The following GBF1 variants were observed in gnomAD, a reference collection of about 807,000 sequenced individuals.
The protein encoded by GBF1 is golgi brefeldin A resistant guanine nucleotide exchange factor 1, also known as Golgi-specific brefeldin A-resistance guanine nucleotide exchange factor 1.
Under a neutral mutation model 210.5 loss-of-function variants are expected in GBF1, and 114 were observed. The ratio of observed to expected loss-of-function variants is 0.54; its 90% CI spans 0.47 to 0.63. The LOEUF (loss-of-function observed/expected upper bound fraction) is 0.63, where lower values mean the gene tolerates loss of function less well. Among genes scored for constraint, GBF1 ranks in the 30% least tolerant of loss-of-function variants. GBF1 has a pLI of 0.00. For missense variants in GBF1, 1,851 were observed against 2,357.7 expected, an observed-to-expected ratio of 0.79 and a Z score of 4.45; for synonymous variants, 850 against 889.2, an observed-to-expected ratio of 0.96 and a Z score of 0.78.
At chr10:102,361,982 G>C (rs983880149) in intron 14 of GBF1, 70 bp downstream of exon 14, 9 of 809,008 alleles carry the variant, frequency 1.1e-5, no homozygotes, top group African/African-American at 3.5e-5. Flanking sequence ...TGGTAGTGAG[G>C]ATGTTACATA....
chr10:102,295,750 T>A (rs2076860071), intron 3 of GBF1, among the ~76,000 whole-genome samples: 1 of 152,174 alleles, frequency 6.6e-6, no homozygotes. Flanking sequence ...AAACCTTGTC[T>A]CCTTCGAAGA....
chr10:102,350,350 CA>C (rs1308821730), intron 4 of GBF1, among the ~76,000 whole-genome samples: 2,205 of 118,012 alleles, frequency 0.019, 35 homozygotes, highest in African/African-American at 0.053. Flanking sequence ...ACTCCATCTC[CA>C]AAAAAAAAAA....
intron 11 of GBF1, 70 bp downstream of exon 11, chr10:102,359,505 C>A: frequency 8.7e-7 from 1 of 1,144,152 alleles, no homozygotes; most frequent in South Asian, 1.3e-5. Context: ...GAGCCTAGAC[C>A]GTCTTAAACC....
Position 102,363,406 on chromosome 10 carries a change from G to A in GBF1, c.2017+10G>A, listed in dbSNP as rs897698701. ...GCTGTTGACTCTGGGGGTGGGTACT[G>A]GGTGTCCATGACCCTAAGCTCCTCA... On this transcript the variant is annotated intron_variant, in intron 16 of 39. Coordinates refer to ENST00000369983, the MANE Select transcript of GBF1 (RefSeq NM_001377137.1). This position sits in a 1 kb window ranked among gnomAD's most constrained non-coding sequence, Gnocchi z 4.2. The A allele has an allele frequency of 6.2e-7, 1 of 1,610,934 alleles. No homozygotes were observed. Among genetic ancestry groups the A allele is most frequent in the Non-Finnish European group, 8.5e-7 (1 of 1,178,146 alleles).
At chr10:102,308,136 A>G (rs930639375) in intron 3 of GBF1, among the ~76,000 whole-genome samples, 1 of 151,594 alleles carries the variant, frequency 6.6e-6, no homozygotes, top group Non-Finnish European at 1.5e-5. Flanking sequence ...CCCAGCAGGT[A>G]ATCATATATA....
upstream of GBF1, among the ~76,000 whole-genome samples, chr10:102,242,037 C>A (rs2133820164): frequency 6.6e-6 from 1 of 152,338 alleles, no homozygotes. Flanking sequence ...GCCTTTCTTT[C>A]CTCTTCTTTC....
At chr10:102,359,477 C>T (rs758855775) in intron 11 of GBF1, 42 bp downstream of exon 11, 1 of 1,463,532 alleles carries the variant, frequency 6.8e-7, no homozygotes, top group South Asian at 1.1e-5. Flanking sequence ...CTCCCCCATC[C>T]TACCTACTAA....
chr10:102,230,682 C>CGCGGCG, the GBF1 span: 12 of 1,578,618 alleles, frequency 7.6e-6, no homozygotes, highest in African/African-American at 2.7e-5. Context: ...AGGCGGCAGC[C>CGCGGCG]GCGGCGGCGG....
rs1356718401 is a variant in GBF1 at position 102,375,561 on chromosome 10, C to T, written c.3863C>T (p.Ala1288Val). The change falls in exon 30 of 40, where the codon GCC (alanine) becomes GTC (valine). Residue 1288 changes from alanine to valine, a missense_variant. Around this residue, in one of 3 missense-constraint regions of GBF1, gnomAD observed 967 missense variants for 1,247.7 expected, o/e 0.78. Coordinates refer to ENST00000369983, the MANE Select transcript of GBF1 (RefSeq NM_001377137.1). ...CCTCCAGCTGCTCTGCAGGCCACAG[C>T]CAGGGCAGATGCACCTGATGCCGGT... ...VKPPAALQAT[A>V]RADAPDAGAQ... is the part of the protein sequence containing the mutation. 1.2e-6 allele frequency: 2 copies of T among 1,611,694 alleles called. No homozygotes were observed. Among genetic ancestry groups the T allele is most frequent in the East Asian group, 2.2e-5 (1 of 44,854 alleles).
chr10:102,358,271 A>C, intron 9 of GBF1, 85 bp downstream of exon 9: 1 of 1,222,188 alleles, frequency 8.2e-7, no homozygotes, highest in South Asian at 1.4e-5. Flanking sequence ...AGACCAACCA[A>C]CTGAGGGGCT....
At chr10:102,241,794 A>T (rs1463623561), upstream of GBF1, among the ~76,000 whole-genome samples, 3 of 152,234 alleles carry the variant, frequency 2.0e-5, no homozygotes, top group African/African-American at 7.2e-5. This position sits in a 1 kb window ranked among gnomAD's most constrained non-coding sequence, Gnocchi z 6.7. Context: ...GGCAGAGCCA[A>T]GTGGGCGAGA....
the GBF1 span, chr10:102,231,954 C>A: frequency 6.3e-7 from 1 of 1,597,002 alleles, no homozygotes; most frequent in Non-Finnish European, 8.6e-7. Context: ...CGGAAGGGGG[C>A]GCGCTTACCG....
intron 3 of GBF1, among the ~76,000 whole-genome samples, chr10:102,302,221 T>A (rs1167163568): frequency 6.6e-6 from 1 of 152,034 alleles, no homozygotes; most frequent in East Asian, 1.9e-4. Context: ...GGGAGTACAG[T>A]CCAGCTTCGG....
At chr10:102,364,203 T>G (rs1349764896) in intron 17 of GBF1, among the ~76,000 whole-genome samples, 2 of 150,952 alleles carry the variant, frequency 1.3e-5, no homozygotes, top group East Asian at 2.0e-4. Flanking sequence ...AATAACTGTT[T>G]GTACTTTGGA....
intron 3 of GBF1, among the ~76,000 whole-genome samples, chr10:102,283,507 T>C (rs1286478615): frequency 6.6e-6 from 1 of 152,104 alleles, no homozygotes; most frequent in Non-Finnish European, 1.5e-5. Context: ...AACCACCAAT[T>C]ATAGGAGTCT....
At chr10:102,328,718 C>T (rs2057098957) in intron 3 of GBF1, among the ~76,000 whole-genome samples, 1 of 152,200 alleles carries the variant, frequency 6.6e-6, no homozygotes, top group South Asian at 2.1e-4. Flanking sequence ...GGAGCTTTGA[C>T]TATTATCTCT....
intron 26 of GBF1, 47 bp from the exon 27 acceptor site, chr10:102,370,127 C>G: frequency 6.6e-7 from 1 of 1,526,516 alleles, no homozygotes; most frequent in Non-Finnish European, 9.1e-7. Context: ...ACATTCTGTT[C>G]TCTTCAGCCT....
At chr10:102,249,493 G>A (rs1478251158) in intron 1 of GBF1, among the ~76,000 whole-genome samples, 1 of 152,194 alleles carries the variant, frequency 6.6e-6, no homozygotes, top group Middle Eastern at 3.2e-3. Flanking sequence ...GGATTTTCCA[G>A]TGATGCATTG....
chr10:102,376,406 G>T lies in GBF1; in HGVS notation c.4021G>T (p.Asp1341Tyr). 1.2e-6 allele frequency: 2 copies of T among 1,614,184 alleles called. No homozygotes were observed. ...GATACACCGATCAGCCACAGATGCC[G>T]ATGTGGTCAACAGTGGTTGGTTAGT... ...GKIHRSATDA[D>Y]VVNSGWLVVG... is the part of the protein sequence containing the mutation. The change falls in exon 31 of 40, where the codon GAT (aspartate) becomes TAT (tyrosine). Residue 1341 changes from aspartate to tyrosine, a missense_variant. This residue lies in a region of GBF1 where 967 missense variants were observed against 1,247.7 expected (regional missense o/e 0.78). Coordinates refer to ENST00000369983, the MANE Select transcript of GBF1 (RefSeq NM_001377137.1).
Sources: allele counts gnomAD v4.1 joint callset (sites outside exome capture counted in the v4.1 genomes callset), GRCh38; gene constraint gnomAD v4.1.1; regional missense constraint gnomAD v4.1.1; non-coding constraint Gnocchi (gnomAD v3.1); transcripts MANE v1.5; gene names NCBI Gene and HGNC (gene_info 2026-07-23, HGNC 2026-07-21).